Variants in RCAN2 observed in about 807,000 individuals in gnomAD.
RCAN2 encodes regulator of calcineurin 2.
In RCAN2, 9 loss-of-function variants were observed where a neutral mutation model predicts 23.6. The ratio of observed to expected loss-of-function variants is 0.38; its 90% CI spans 0.23 to 0.67. RCAN2 has a LOEUF of 0.67. Among genes scored for constraint, RCAN2 ranks in the 30% least tolerant of loss-of-function variants. The pLI is 0.51. For missense variants in RCAN2, 273 were observed against 302.3 expected (o/e 0.90, Z 0.72); for synonymous variants, 109 against 115.7 (o/e 0.94, Z 0.37).
intron 2 of RCAN2, among the ~76,000 whole-genome samples, chr6:46,343,590 T>C (rs1333988242): frequency 6.6e-6 from 1 of 152,128 alleles, no homozygotes; most frequent in African/African-American, 2.4e-5. Context: ...TTAGCCAGGA[T>C]GATCTCGATC....
intron 2 of RCAN2, among the ~76,000 whole-genome samples, chr6:46,274,276 AT>A (rs1767616375): frequency 6.6e-6 from 1 of 152,214 alleles, no homozygotes; most frequent in East Asian, 1.9e-4. Context: ...ACTGAATCCC[AT>A]TACTCTATTC....
intron 2 of RCAN2, among the ~76,000 whole-genome samples, chr6:46,311,695 GA>G (rs917186624): frequency 1.1e-4 from 17 of 152,292 alleles, no homozygotes; most frequent in Admixed American, 5.2e-4. Context: ...CTTGTTTCAT[GA>G]AATCTTGACA....
chr6:46,490,518 G>A (rs1049060430), intron 1 of RCAN2, among the ~76,000 whole-genome samples: 1 of 152,156 alleles, frequency 6.6e-6, no homozygotes, highest in African/African-American at 2.4e-5. Flanking sequence ...GGGATCAGGC[G>A]GCTGGGATTT....
At chr6:46,431,350 T>C (rs1169260665) in intron 2 of RCAN2, among the ~76,000 whole-genome samples, 3 of 152,082 alleles carry the variant, frequency 2.0e-5, no homozygotes, top group Admixed American at 2.0e-4. Flanking sequence ...GGATTACAGG[T>C]GTGAGCCACA....
At chr6:46,334,940 C>A (rs1387763243) in intron 2 of RCAN2, among the ~76,000 whole-genome samples, 1 of 150,910 alleles carries the variant, frequency 6.6e-6, no homozygotes, top group Non-Finnish European at 1.5e-5. Flanking sequence ...TGGGCAGTAC[C>A]ATGTTTAAGA....
chr6:46,295,175 A>G (rs976393885), intron 2 of RCAN2, among the ~76,000 whole-genome samples: 3 of 152,118 alleles, frequency 2.0e-5, no homozygotes, highest in East Asian at 1.9e-4. Context: ...GACAGGAAAT[A>G]TCTCCCTCCG....
intron 2 of RCAN2, among the ~76,000 whole-genome samples, chr6:46,440,967 G>T (rs1034993380): frequency 2.6e-5 from 4 of 152,182 alleles, no homozygotes; most frequent in African/African-American, 9.6e-5. Context: ...TTATAATTCT[G>T]CAAGGATCTG....
In RCAN2 at chr6:46,491,433, C is replaced by G. The variant is rs946702590; in HGVS notation, c.-263G>C. 1.3e-5 allele frequency: 2 copies of G among 152,154 alleles called. No homozygotes were observed. The highest frequency in any genetic ancestry group is 2.9e-5 in the Non-Finnish European group (2 of 68,106). 9.4% of individuals were successfully genotyped at this position (152,154 alleles called of 1,614,324 possible). ...CCCCGCAACCTCCGCCGCCGTCACC[C>G]GGGACAAAGCGGCTCCAGGGAGGGG... is the stretch of plus-strand genomic sequence containing the variant. On this transcript the variant is annotated 5_prime_UTR_variant, in exon 1 of 5. Coordinates refer to ENST00000371374, the MANE Select transcript of RCAN2 (RefSeq NM_001251974.2).
intron 2 of RCAN2, among the ~76,000 whole-genome samples, chr6:46,446,581 C>T (rs533280230): frequency 5.9e-5 from 9 of 152,158 alleles, no homozygotes; most frequent in African/African-American, 1.9e-4. Context: ...AATGGTTCTA[C>T]GTAAGTCACT....
At chr6:46,393,570 G>T (rs932304717) in intron 2 of RCAN2, among the ~76,000 whole-genome samples, 1 of 152,160 alleles carries the variant, frequency 6.6e-6, no homozygotes. Context: ...CAGCAGAATA[G>T]ATTATTTGGC....
chr6:46,345,006 T>A (rs747999066), intron 2 of RCAN2, among the ~76,000 whole-genome samples: 26 of 143,540 alleles, frequency 1.8e-4, no homozygotes, highest in Admixed American at 7.2e-5. Context: ...ACATGTGATA[T>A]CTATTTAAAT....
At chr6:46,351,494 A>G (rs1764645200) in intron 2 of RCAN2, among the ~76,000 whole-genome samples, 1 of 152,232 alleles carries the variant, frequency 6.6e-6, no homozygotes, top group Non-Finnish European at 1.5e-5. Flanking sequence ...GAAGGAAGCC[A>G]TGTCCTTGAA....
chr6:46,276,509 A>T (rs898396762), intron 2 of RCAN2, among the ~76,000 whole-genome samples: 1 of 152,186 alleles, frequency 6.6e-6, no homozygotes, highest in African/African-American at 2.4e-5. Context: ...AGACCTGTCA[A>T]TCTGCACTGG....
At chr6:46,318,510 A>G (rs1763514546) in intron 2 of RCAN2, among the ~76,000 whole-genome samples, 1 of 152,126 alleles carries the variant, frequency 6.6e-6, no homozygotes, top group Admixed American at 6.5e-5. Flanking sequence ...AGAGAAGATA[A>G]TGAATTTCTT....
chr6:46,315,055 TG>T (rs1763391447), intron 2 of RCAN2, among the ~76,000 whole-genome samples: 1 of 152,208 alleles, frequency 6.6e-6, no homozygotes, highest in African/African-American at 2.4e-5. Context: ...AGCCAGATCT[TG>T]TCTCAAAACA....
chr6:46,298,654 G>A (rs953398610), intron 2 of RCAN2, among the ~76,000 whole-genome samples: 6 of 152,136 alleles, frequency 3.9e-5, no homozygotes, highest in East Asian at 1.9e-4. Context: ...CACTTATACT[G>A]TTAGTGGGAA....
At chr6:46,272,521 T>G (rs1767553651) in intron 2 of RCAN2, among the ~76,000 whole-genome samples, 1 of 152,242 alleles carries the variant, frequency 6.6e-6, no homozygotes, top group Admixed American at 6.5e-5. Flanking sequence ...TTCATTATGC[T>G]TCACAACTCA....
rs192776335 is a variant in RCAN2 at position 46,359,505 on chromosome 6, C to G, written c.225+97247G>C. 7.7e-4 allele frequency among the ~76,000 whole-genome samples: 118 copies of G among 152,290 alleles called. 1 individual carries two copies. The highest frequency in any genetic ancestry group is 2.7e-3 in the African/African-American group (111 of 41,566). On this transcript the variant is annotated intron_variant, in intron 2 of 4. Coordinates refer to ENST00000371374, the MANE Select transcript of RCAN2 (RefSeq NM_001251974.2). ...ATTGGAGCACATGCTAATTCCAACACTAATTTCATTCTAATTCTATCAGAA... is the reference window on the plus strand; with the variant it reads ...ATTGGAGCACATGCTAATTCCAACAGTAATTTCATTCTAATTCTATCAGAA...
intron 2 of RCAN2, among the ~76,000 whole-genome samples, chr6:46,361,250 G>A (rs757843675): frequency 6.6e-6 from 1 of 152,164 alleles, no homozygotes; most frequent in Non-Finnish European, 1.5e-5. Context: ...CATGTAATGA[G>A]ACCAGAAATC....
Sources: gnomAD v4.1 joint callset for allele counts (sites outside exome capture counted in the v4.1 genomes callset) on GRCh38, gnomAD v4.1.1 for gene constraint, MANE v1.5 for transcripts, NCBI Gene and HGNC (gene_info 2026-07-23, HGNC 2026-07-21) for gene names.